Variants in MAGI2 observed in about 807,000 individuals in gnomAD.
MAGI2 encodes the protein membrane associated guanylate kinase, WW and PDZ domain containing 2.
A neutral mutation model predicts 133.3 loss-of-function variants in MAGI2; 35 were observed. The observed-to-expected ratio is 0.26, with a 90% CI of 0.20 to 0.35. MAGI2 has a LOEUF of 0.35. Among genes scored for constraint, MAGI2 ranks in the 10% least tolerant of loss-of-function variants. The probability of loss-of-function intolerance (pLI) is 1.00; values close to 1 mark genes in which losing one functional copy is unlikely to be tolerated. For synonymous variants in MAGI2, 729 were observed against 710.6 expected, an observed-to-expected ratio of 1.03 and a Z score of -0.41; for missense variants, 1,636 against 1,863.4, an observed-to-expected ratio of 0.88 and a Z score of 2.25.
At position 79,182,334 on chromosome 7, in the gene MAGI2, C is replaced by T. The variant is rs144859448; in HGVS notation, c.302-175128G>A. On this transcript the variant is annotated intron_variant, in intron 1 of 21. Coordinates refer to ENST00000354212, the MANE Select transcript of MAGI2 (RefSeq NM_012301.4). ...GAAGAAGGCAAGGAGGAGCAAGTCA[C>T]ATCTTATGTGGATGGCAGCAGGAAA... Among the ~76,000 whole-genome samples, 355 of 152,084 alleles carry T rather than the reference C, an allele frequency of 2.3e-3. 1 individual carries two copies. Among genetic ancestry groups the T allele is most frequent in the Non-Finnish European group, 4.6e-3 (311 of 68,002 alleles).
chr7:78,809,066 T>C (rs571574613), intron 2 of MAGI2, among the ~76,000 whole-genome samples: 60 of 152,306 alleles, frequency 3.9e-4, no homozygotes, highest in African/African-American at 1.3e-3. Flanking sequence ...TTAACATTGA[T>C]GGTGAAAATA....
intron 2 of MAGI2, among the ~76,000 whole-genome samples, chr7:78,785,449 AG>A (rs1350175792): frequency 1.3e-5 from 2 of 152,236 alleles, no homozygotes; most frequent in African/African-American, 4.8e-5. Context: ...AGCTGTTAAA[AG>A]CTTTGTAAAA....
At chr7:78,935,569 C>T (rs546299476) in intron 2 of MAGI2, among the ~76,000 whole-genome samples, 1 of 152,142 alleles carries the variant, frequency 6.6e-6, no homozygotes, top group South Asian at 2.1e-4. Context: ...ATAAATCAGG[C>T]ATGGAATGTC....
At chr7:78,804,839 G>A (rs1471105361) in intron 2 of MAGI2, among the ~76,000 whole-genome samples, 1 of 150,846 alleles carries the variant, frequency 6.6e-6, no homozygotes, top group East Asian at 2.0e-4. Flanking sequence ...AAGCCGAGGC[G>A]GGTGGATCAC....
At position 78,956,976 on chromosome 7, in the gene MAGI2, C is replaced by T. The variant is rs376578565; in HGVS notation, c.418+50114G>A. ...ACATTTTGATGGCTATTATTAAAGA[C>T]TTAGGGGTCAGGCGCGGTAGCTCAC... On this transcript the variant is annotated intron_variant, in intron 2 of 21. Transcript: ENST00000354212. Among the ~76,000 whole-genome samples the T allele has an allele frequency of 4.1e-4, 63 of 152,034 alleles. 2 individuals are homozygous for T. The East Asian group carries it at 0.011, about 27-fold the overall frequency.
intron 6 of MAGI2, among the ~76,000 whole-genome samples, chr7:78,405,986 G>T (rs536924905): frequency 2.6e-5 from 4 of 152,006 alleles, no homozygotes; most frequent in African/African-American, 7.2e-5. Flanking sequence ...TCAGAATTTA[G>T]TTTACAATTG....
At chr7:78,700,611 T>A (rs920211251) in intron 2 of MAGI2, among the ~76,000 whole-genome samples, 3 of 152,076 alleles carry the variant, frequency 2.0e-5, no homozygotes, top group African/African-American at 7.2e-5. Flanking sequence ...TCTCAACCAC[T>A]TTGAACAAAT....
intron 2 of MAGI2, among the ~76,000 whole-genome samples, chr7:78,769,316 A>G (rs1278666565): frequency 6.6e-6 from 1 of 151,978 alleles, no homozygotes; most frequent in African/African-American, 2.4e-5. Context: ...GCTGCCACAC[A>G]TGCATGGGTC....
At chr7:79,122,302 A>G (rs1393008307) in intron 1 of MAGI2, among the ~76,000 whole-genome samples, 1 of 152,212 alleles carries the variant, frequency 6.6e-6, no homozygotes, top group African/African-American at 2.4e-5. Flanking sequence ...TGTCTCTCCA[A>G]CTATCAGTCA....
At chr7:78,573,968 G>T (rs1759021360) in intron 3 of MAGI2, among the ~76,000 whole-genome samples, 1 of 152,058 alleles carries the variant, frequency 6.6e-6, no homozygotes, top group Non-Finnish European at 1.5e-5. Flanking sequence ...CCTGCCCCTG[G>T]GTATGCCCAT....
intron 2 of MAGI2, among the ~76,000 whole-genome samples, chr7:78,873,136 T>C (rs929855392): frequency 3.3e-5 from 5 of 152,200 alleles, no homozygotes; most frequent in African/African-American, 1.2e-4. Context: ...AATCTTCATT[T>C]AGTAACTTAG....
intron 1 of MAGI2, among the ~76,000 whole-genome samples, chr7:79,014,996 A>G (rs891281177): frequency 2.6e-5 from 4 of 152,238 alleles, no homozygotes; most frequent in African/African-American, 9.6e-5. Flanking sequence ...GAAAATGCTC[A>G]TACTTTGGTA....
chr7:79,451,581 C>A (rs908401921), intron 1 of MAGI2, among the ~76,000 whole-genome samples: 11 of 152,178 alleles, frequency 7.2e-5, no homozygotes, highest in Non-Finnish European at 1.2e-4. Flanking sequence ...CCAAGGAAAA[C>A]ATTTTCTTGT....
chr7:78,419,534 G>T (rs1424084293), intron 6 of MAGI2, among the ~76,000 whole-genome samples: 1 of 151,498 alleles, frequency 6.6e-6, no homozygotes, highest in Non-Finnish European at 1.5e-5. Context: ...GTTAAGAAGA[G>T]AAGCTGAAAG....
intron 2 of MAGI2, among the ~76,000 whole-genome samples, chr7:78,779,619 G>A (rs1826245834): frequency 6.6e-6 from 1 of 152,204 alleles, no homozygotes; most frequent in South Asian, 2.1e-4. Flanking sequence ...CTTATTTAAT[G>A]TCAATGACCT....
At chr7:78,696,864 T>C (rs796374518) in intron 2 of MAGI2, among the ~76,000 whole-genome samples, 26 of 152,312 alleles carry the variant, frequency 1.7e-4, no homozygotes, top group African/African-American at 6.0e-4. Flanking sequence ...GAGAGGTTGC[T>C]TGAATAAAGC....
chr7:79,074,105 T>C (rs1815240701), intron 1 of MAGI2, among the ~76,000 whole-genome samples: 1 of 152,208 alleles, frequency 6.6e-6, no homozygotes, highest in Non-Finnish European at 1.5e-5. Flanking sequence ...AAAAAGGGAC[T>C]ATATTTTATC....
intron 3 of MAGI2, among the ~76,000 whole-genome samples, chr7:78,534,244 A>G (rs958744889): frequency 3.3e-5 from 5 of 152,238 alleles, no homozygotes; most frequent in African/African-American, 1.2e-4. Flanking sequence ...GAAGAGTTCA[A>G]GTTAGGCTTT....
At chr7:78,077,725 G>GTTTTTTTTTTTTTTT (rs538030969) in intron 21 of MAGI2, among the ~76,000 whole-genome samples, 1 of 101,254 alleles carries the variant, frequency 9.9e-6, no homozygotes, top group Non-Finnish European at 1.9e-5. Flanking sequence ...TCTTTAGAAT[G>GTTTTTTTTTTTTTTT]TTTTTTTTTT....
Sources: allele counts gnomAD v4.1 joint callset (sites outside exome capture counted in the v4.1 genomes callset), GRCh38; gene constraint gnomAD v4.1.1; transcripts MANE v1.5; gene names NCBI Gene and HGNC (gene_info 2026-07-23, HGNC 2026-07-21).